L2HGDH: variants seen among roughly 807,000 people sequenced by gnomAD.
L2HGDH encodes the protein L-2-hydroxyglutarate dehydrogenase.
A neutral mutation model predicts 51.5 loss-of-function variants in L2HGDH; 34 were observed. The observed-to-expected ratio is 0.66, with a 90% CI of 0.50 to 0.88. The LOEUF (loss-of-function observed/expected upper bound fraction) is 0.88. Ranked by LOEUF, L2HGDH falls within the 40% of genes least tolerant of loss-of-function variation. L2HGDH has a pLI of 0.00. For synonymous variants in L2HGDH, 198 were observed against 197.9 expected (o/e 1.00, Z -0.01); for missense variants, 558 against 571.9 (o/e 0.98, Z 0.25).
In L2HGDH at chr14:50,243,056, G is replaced by C. The variant is rs1887861669; in HGVS notation, c.*4002C>G. Reference sequence around the variant, plus strand: ...TTTGAAGAAAGTTCTAAGAGTTAAGGTTATCCCACAGGCTACTAGGTAGAT... The same window carrying C: ...TTTGAAGAAAGTTCTAAGAGTTAAGCTTATCCCACAGGCTACTAGGTAGAT... On this transcript the variant is annotated 3_prime_UTR_variant, in exon 10 of 10. Coordinates refer to ENST00000267436, the MANE Select transcript of L2HGDH (RefSeq NM_024884.3). The C allele has an allele frequency of 1.0e-6, 1 of 985,422 alleles. No individual in the cohort carries two copies. Among genetic ancestry groups the C allele is most frequent in the Non-Finnish European group, 1.2e-6 (1 of 829,946 alleles). The allele number at this position is 985,422 out of a possible 1,614,324, so 61.0% of individuals were successfully genotyped here.
chr14:50,299,192 A>T (rs1595140801), intron 3 of L2HGDH, among the ~76,000 whole-genome samples: 1 of 152,180 alleles, frequency 6.6e-6, no homozygotes, highest in Non-Finnish European at 1.5e-5. Flanking sequence ...TACTATGACC[A>T]ACTATATATG....
chr14:50,256,066 T>C (rs1042035625), intron 9 of L2HGDH, among the ~76,000 whole-genome samples: 2 of 152,134 alleles, frequency 1.3e-5, no homozygotes, highest in African/African-American at 4.8e-5. Context: ...AATACATACA[T>C]TCATGAGAAG....
At chr14:50,293,089 G>A (rs1433111274) in intron 4 of L2HGDH, 1 of 613,816 alleles carries the variant, frequency 1.6e-6, no homozygotes. Flanking sequence ...CTCTAGCCTG[G>A]GTGACAGAGT....
Position 50,265,501 on chromosome 14 carries a change from G to C in L2HGDH, c.1065-12C>G. The C allele has an allele frequency of 6.2e-7, 1 of 1,605,986 alleles. No homozygotes were observed. The highest frequency in any genetic ancestry group is 8.5e-7 in the Non-Finnish European group (1 of 1,175,754). ...GTTTAATCAAGCCACTGAAAACAGA[G>C]AAAAAAAATCTTTATGAGAGAAAGG... On this transcript the variant is annotated splice_polypyrimidine_tract_variant and intron_variant, in intron 8 of 9. Coordinates refer to ENST00000267436, the MANE Select transcript of L2HGDH (RefSeq NM_024884.3).
Position 50,242,540 on chromosome 14 carries a change from G to A in L2HGDH, c.*4518C>T, listed in dbSNP as rs1887847972. ...ACCCACAATACTTTCTAGGATTTGAGGCCAGAAAAGTAGAGTTGGTTGGTA... is the reference window on the plus strand; with the variant it reads ...ACCCACAATACTTTCTAGGATTTGAAGCCAGAAAAGTAGAGTTGGTTGGTA... On this transcript the variant is annotated 3_prime_UTR_variant, in exon 10 of 10. Transcript: ENST00000267436. The A allele has an allele frequency of 1.0e-6, 1 of 984,288 alleles. No individual in the cohort carries two copies. Among genetic ancestry groups the A allele is most frequent in the Non-Finnish European group, 1.2e-6 (1 of 829,034 alleles). 61.0% of individuals were successfully genotyped at this position (984,288 alleles called of 1,614,324 possible).
At chr14:50,273,474 G>A (rs1045775762) in intron 6 of L2HGDH, among the ~76,000 whole-genome samples, 18 of 152,068 alleles carry the variant, frequency 1.2e-4, no homozygotes, top group Middle Eastern at 3.4e-3. Context: ...TAAATATTTA[G>A]ATTAAAAGAT....
chr14:50,259,380 T>TTTCAGAAA (rs1888872610), intron 9 of L2HGDH, among the ~76,000 whole-genome samples: 1 of 148,920 alleles, frequency 6.7e-6, no homozygotes, highest in African/African-American at 2.5e-5. Flanking sequence ...TTTTTTTTTT[T>TTTCAGAAA]TTTTCAGAAA....
chr14:50,276,405 A>G (rs1889982529), intron 6 of L2HGDH, among the ~76,000 whole-genome samples: 1 of 152,064 alleles, frequency 6.6e-6, no homozygotes, highest in African/African-American at 2.4e-5. Context: ...AAAATAATAC[A>G]TTTCTCCATA....
At chr14:50,256,835 A>C (rs779410185) in intron 9 of L2HGDH, among the ~76,000 whole-genome samples, 52 of 152,142 alleles carry the variant, frequency 3.4e-4, no homozygotes, top group Non-Finnish European at 5.7e-4. Flanking sequence ...AATTCTAGAA[A>C]ATTTTTAAGT....
Position 50,311,907 on chromosome 14 carries a change from C to T in L2HGDH, c.140+104G>A. On this transcript the variant is annotated intron_variant, in intron 1 of 9. Transcript: ENST00000267436. ...GAGTGCCACAGGACCCCAACCTGCTCTCACCCCGGGACAGGGAAATACGAA... is the reference window on the plus strand; with the variant it reads ...GAGTGCCACAGGACCCCAACCTGCTTTCACCCCGGGACAGGGAAATACGAA... The T allele has an allele frequency of 7.4e-6, 11 of 1,478,900 alleles. No individual in the cohort carries two copies. In the South Asian group the frequency reaches 1.2e-4, roughly 17 times the overall value. 91.6% of individuals were successfully genotyped at this position (1,478,900 alleles called of 1,614,324 possible).
intron 6 of L2HGDH, among the ~76,000 whole-genome samples, chr14:50,277,816 T>C (rs1440059069): frequency 1.4e-5 from 2 of 144,284 alleles, no homozygotes; most frequent in African/African-American, 2.6e-5. Flanking sequence ...ATAATAATAA[T>C]AATAATAATA....
At chr14:50,266,128 A>G (rs1363258460) in intron 8 of L2HGDH, among the ~76,000 whole-genome samples, 1 of 139,582 alleles carries the variant, frequency 7.2e-6, no homozygotes. Context: ...CCTGGGCAAC[A>G]GTGAAACTTT....
Position 50,246,262 on chromosome 14 carries a change from A to G in L2HGDH, c.*796T>C, listed in dbSNP as rs74541550. 0.23 allele frequency: 34,208 copies of G among 151,840 alleles called. 4,062 individuals are homozygous for G. Among genetic ancestry groups the G allele is most frequent in the East Asian group, 0.42 (2,164 of 5,164 alleles). 9.4% of individuals were successfully genotyped at this position (151,840 alleles called of 1,614,324 possible). Reference sequence around the variant, plus strand: ...GAGTCAGGGACTCACTTTGTTGCCCAGGCTGGGGTATAGTGGCATGAACAC... The same window carrying G: ...GAGTCAGGGACTCACTTTGTTGCCCGGGCTGGGGTATAGTGGCATGAACAC... On this transcript the variant is annotated 3_prime_UTR_variant, in exon 10 of 10. Transcript: ENST00000267436.
intron 6 of L2HGDH, among the ~76,000 whole-genome samples, chr14:50,270,697 G>A (rs1030808698): frequency 7.8e-4 from 119 of 151,874 alleles, no homozygotes; most frequent in African/African-American, 2.7e-3. Flanking sequence ...TAGTAGAGAC[G>A]GGGTTTCACC....
chr14:50,256,901 T>C (rs1413554033), intron 9 of L2HGDH, among the ~76,000 whole-genome samples: 4 of 152,144 alleles, frequency 2.6e-5, no homozygotes, highest in South Asian at 4.1e-4. Flanking sequence ...CTATGAGAGA[T>C]AGGCTGGAAT....
chr14:50,269,709 CA>C (rs1298128045), intron 6 of L2HGDH, among the ~76,000 whole-genome samples: 1 of 152,242 alleles, frequency 6.6e-6, no homozygotes, highest in Admixed American at 6.5e-5. Flanking sequence ...GTCATTTAGA[CA>C]GCCTCCACCA....
intron 9 of L2HGDH, among the ~76,000 whole-genome samples, chr14:50,251,584 C>T (rs1276959248): frequency 6.6e-6 from 1 of 151,950 alleles, no homozygotes; most frequent in East Asian, 1.9e-4. Flanking sequence ...TAATCAAACT[C>T]CCAAAGGTCA....
At chr14:50,253,811 TA>T (rs1888499338) in intron 9 of L2HGDH, among the ~76,000 whole-genome samples, 1 of 152,118 alleles carries the variant, frequency 6.6e-6, no homozygotes, top group Admixed American at 6.6e-5. Flanking sequence ...AATGAATAAA[TA>T]AAATGTGGTA....
In L2HGDH at chr14:50,242,732, G is replaced by A; in HGVS notation, c.*4326C>T. 1.0e-6 allele frequency: 1 copy of A among 985,314 alleles called. No individual in the cohort carries two copies. Among genetic ancestry groups the A allele is most frequent in the Non-Finnish European group, 1.2e-6 (1 of 829,904 alleles). The allele number at this position is 985,314 out of a possible 1,614,324, so 61.0% of individuals were successfully genotyped here. A position where few individuals can be genotyped will look rare whatever the true frequency, so the allele number is the denominator to read the frequency against. ...TGAAGAGATTTCAAAAACTCCCTTT[G>A]AGTGTGTTAGAAAAGCTTAGAAACT... On this transcript the variant is annotated 3_prime_UTR_variant, in exon 10 of 10. Coordinates refer to ENST00000267436, the MANE Select transcript of L2HGDH (RefSeq NM_024884.3).
Sources: gnomAD v4.1 joint callset for allele counts (sites outside exome capture counted in the v4.1 genomes callset) on GRCh38, gnomAD v4.1.1 for gene constraint, MANE v1.5 for transcripts, NCBI Gene and HGNC (gene_info 2026-07-23, HGNC 2026-07-21) for gene names.